KDM4C: variants seen among roughly 807,000 people sequenced by gnomAD.
KDM4C encodes lysine-specific demethylase 4C.
A neutral mutation model predicts 129.3 loss-of-function variants in KDM4C; 81 were observed. The observed-to-expected ratio is 0.63, with a 90% CI of 0.52 to 0.75. The LOEUF is 0.75. Among genes scored for constraint, KDM4C ranks in the 30% least tolerant of loss-of-function variants. KDM4C has a pLI of 0.00. For synonymous variants in KDM4C, 573 were observed against 456.1 expected (o/e 1.26, Z -3.26); for missense variants, 1,457 against 1,304.0 (o/e 1.12, Z -1.81).
intron 8 of KDM4C, among the ~76,000 whole-genome samples, chr9:6,915,771 G>A (rs1295664436): frequency 4.6e-5 from 7 of 152,128 alleles, no homozygotes; most frequent in Admixed American, 4.6e-4. Flanking sequence ...CAAGGAAAGG[G>A]CTAGTTTTAC....
intron 10 of KDM4C, among the ~76,000 whole-genome samples, chr9:6,985,765 C>G (rs1171311581): frequency 1.3e-5 from 2 of 152,064 alleles, no homozygotes; most frequent in South Asian, 4.1e-4. Flanking sequence ...ATCATAGCTC[C>G]CTGCAACCTC....
At position 7,159,879 on chromosome 9, in the gene KDM4C, G is replaced by A. The variant is rs1264653302; in HGVS notation, c.2782-5359G>A. On this transcript the variant is annotated intron_variant, in intron 19 of 21. Transcript: ENST00000381309. ...TTTCCTGAATTTGAATGTTGGACTCGCTTGCTAGGTTGGGGACGTTCTCCT... is the reference window on the plus strand; with the variant it reads ...TTTCCTGAATTTGAATGTTGGACTCACTTGCTAGGTTGGGGACGTTCTCCT... 3.9e-5 allele frequency among the ~76,000 whole-genome samples: 6 copies of A among 152,136 alleles called. No individual in the cohort carries two copies. In the South Asian group the frequency reaches 8.3e-4, roughly 21 times the overall value.
intron 17 of KDM4C, among the ~76,000 whole-genome samples, chr9:7,056,605 C>G (rs1294164467): frequency 2.0e-5 from 3 of 152,106 alleles, no homozygotes; most frequent in Non-Finnish European, 4.4e-5. Context: ...TTTTCTTTAT[C>G]TGTTGAGAGA....
intron 8 of KDM4C, among the ~76,000 whole-genome samples, chr9:6,915,468 A>G (rs1820139717): frequency 6.6e-6 from 1 of 152,208 alleles, no homozygotes; most frequent in Non-Finnish European, 1.5e-5. Flanking sequence ...GTTACATTCC[A>G]TTTTAATTCA....
intron 8 of KDM4C, among the ~76,000 whole-genome samples, chr9:6,962,645 C>G (rs931152923): frequency 8.6e-5 from 13 of 151,848 alleles, no homozygotes; most frequent in Non-Finnish European, 1.6e-4. Context: ...TTTCTTTGTT[C>G]CATTAGTAGA....
At chr9:6,985,114 C>G (rs1036154319) in intron 10 of KDM4C, among the ~76,000 whole-genome samples, 1 of 152,164 alleles carries the variant, frequency 6.6e-6, no homozygotes, top group Non-Finnish European at 1.5e-5. Context: ...CTCATGGCAC[C>G]ATAGCTGTTG....
At chr9:6,964,781 C>CAAAAAAA (rs369795659) in intron 8 of KDM4C, among the ~76,000 whole-genome samples, 4 of 53,850 alleles carry the variant, frequency 7.4e-5, no homozygotes, top group Non-Finnish European at 1.4e-4. Context: ...GACTCCGTCT[C>CAAAAAAA]AAAAAAAAAA....
intron 16 of KDM4C, among the ~76,000 whole-genome samples, chr9:7,047,559 G>T (rs1259652548): frequency 6.6e-6 from 1 of 151,720 alleles, no homozygotes; most frequent in Non-Finnish European, 1.5e-5. Context: ...TGAAAATGGG[G>T]CCAAAGCATA....
At chr9:7,156,540 G>A (rs1843189220) in intron 19 of KDM4C, among the ~76,000 whole-genome samples, 1 of 152,160 alleles carries the variant, frequency 6.6e-6, no homozygotes, top group Admixed American at 6.5e-5. Context: ...TAAGGTGTAA[G>A]GAAGGGATCC....
intron 12 of KDM4C, among the ~76,000 whole-genome samples, chr9:7,011,075 T>C (rs1382596223): frequency 2.6e-5 from 4 of 152,004 alleles, no homozygotes; most frequent in African/African-American, 9.7e-5. Flanking sequence ...AAAAGAAATA[T>C]ACATTTTAAA....
At chr9:6,926,292 C>T (rs771964821) in intron 8 of KDM4C, among the ~76,000 whole-genome samples, 11 of 132,878 alleles carry the variant, frequency 8.3e-5, no homozygotes, top group Non-Finnish European at 1.6e-4. Flanking sequence ...TAATATAAGG[C>T]GTTTGTGAAT....
At chr9:7,000,785 C>T (rs1334689665) in intron 12 of KDM4C, among the ~76,000 whole-genome samples, 6 of 152,064 alleles carry the variant, frequency 3.9e-5, no homozygotes, top group Admixed American at 2.6e-4. Flanking sequence ...TATAGACCAC[C>T]GAATTAGCAC....
intron 1 of KDM4C, among the ~76,000 whole-genome samples, chr9:6,779,981 A>C (rs1384082931): frequency 1.3e-5 from 2 of 152,200 alleles, no homozygotes; most frequent in African/African-American, 4.8e-5. Context: ...TATTTAAGCA[A>C]ACTAGCCAGC....
At chr9:6,798,472 T>C (rs1003455946) in intron 2 of KDM4C, among the ~76,000 whole-genome samples, 3 of 152,044 alleles carry the variant, frequency 2.0e-5, no homozygotes, top group African/African-American at 7.2e-5. Flanking sequence ...AAGCATCTGT[T>C]TAACAAAGCA....
At chr9:6,835,854 C>T (rs1051123087) in intron 4 of KDM4C, among the ~76,000 whole-genome samples, 1 of 151,950 alleles carries the variant, frequency 6.6e-6, no homozygotes, top group Admixed American at 6.6e-5. Context: ...TCGTGAGATG[C>T]ATTGTTACAG....
At chr9:7,124,918 T>G (rs1839877163) in intron 18 of KDM4C, among the ~76,000 whole-genome samples, 1 of 152,122 alleles carries the variant, frequency 6.6e-6, no homozygotes, top group Admixed American at 6.5e-5. Context: ...TTTGTCCAAA[T>G]CATGAGCATT....
chr9:6,975,009 A>G (rs950231660), intron 8 of KDM4C: 1 of 152,314 alleles, frequency 6.6e-6, no homozygotes, highest in South Asian at 2.1e-4. Context: ...GGAGCAAACT[A>G]TTTGAATCCA....
At chr9:7,107,003 C>T (rs1587675668) in intron 18 of KDM4C, among the ~76,000 whole-genome samples, 2 of 152,088 alleles carry the variant, frequency 1.3e-5, no homozygotes, top group South Asian at 4.1e-4. Context: ...AAGTACACAG[C>T]TGATCCCTGT....
At chr9:7,026,036 C>A (rs1057398195) in intron 15 of KDM4C, among the ~76,000 whole-genome samples, 2 of 152,010 alleles carry the variant, frequency 1.3e-5, no homozygotes, top group African/African-American at 4.8e-5. Context: ...AAAGCTCCAT[C>A]TGTACTAAAA....
Sources: allele counts gnomAD v4.1 joint callset (sites outside exome capture counted in the v4.1 genomes callset), GRCh38; gene constraint gnomAD v4.1.1; transcripts MANE v1.5; gene names NCBI Gene and HGNC (gene_info 2026-07-23, HGNC 2026-07-21).